The following BUD31 variants were observed in gnomAD, a reference collection of about 807,000 sequenced individuals.
BUD31 encodes the protein BUD31 spliceosome associated protein, also known as protein BUD31 homolog.
Under a neutral mutation model 17.9 loss-of-function variants are expected in BUD31, and 9 were observed. The ratio of observed to expected loss-of-function variants is 0.50; its 90% confidence interval spans 0.30 to 0.88. The LOEUF (loss-of-function observed/expected upper bound fraction) is 0.88, where lower values mean the gene tolerates loss of function less well. Ranked by LOEUF, BUD31 falls within the 40% of genes least tolerant of loss-of-function variation. BUD31 has a pLI of 0.06. For missense variants in BUD31, 148 were observed against 184.5 expected (o/e 0.80, Z 1.15); for synonymous variants, 70 against 64.7 (o/e 1.08, Z -0.39).
At position 99,419,458 on chromosome 7, in the gene BUD31, C is replaced by T; in HGVS notation, c.*17C>T. On this transcript the variant is annotated 3_prime_UTR_variant, in exon 6 of 6. Transcript: ENST00000222969. ...TCTGGCTGAGGCTGGCGCGCTCCAC[C>T]CTGGACTCTGGACTTCGCAGGTTCC... 6.2e-7 allele frequency: 1 copy of T among 1,609,998 alleles called. No homozygotes were observed.
intron 4 of BUD31, 129 bp downstream of exon 4, chr7:99,416,389 A>G: frequency 8.0e-7 from 1 of 1,243,184 alleles, no homozygotes; most frequent in Non-Finnish European, 1.1e-6. Flanking sequence ...AGGGGGAGCC[A>G]ACGTTGGCTG....
At chr7:99,417,775 G>A (rs1795587164) in intron 5 of BUD31, 180 bp downstream of exon 5, 2 of 1,530,942 alleles carry the variant, frequency 1.3e-6, no homozygotes, top group African/African-American at 2.7e-5. Context: ...GCAGCGTGTG[G>A]CTGTGTGTTT....
In BUD31 at chr7:99,412,793, T is replaced by G. The variant is rs547628455; in HGVS notation, c.94+1607T>G. Among the ~76,000 whole-genome samples, 620 of 150,690 alleles carry G rather than the reference T, an allele frequency of 4.1e-3. 2 individuals carry two copies. Among genetic ancestry groups the G allele is most frequent in the African/African-American group, 0.015 (593 of 40,684 alleles). Reference sequence around the variant, plus strand: ...TGCCCAGCTAATTTTTTTTTTTTTTTTGTATTTTTAGTAGAGACGGGGTTT... The same window carrying G: ...TGCCCAGCTAATTTTTTTTTTTTTTGTGTATTTTTAGTAGAGACGGGGTTT... On this transcript the variant is annotated intron_variant, in intron 3 of 5. Coordinates refer to ENST00000222969, the MANE Select transcript of BUD31 (RefSeq NM_003910.4).
intron 3 of BUD31, among the ~76,000 whole-genome samples, chr7:99,415,708 C>A (rs1795404104): frequency 1.3e-5 from 2 of 152,176 alleles, no homozygotes; most frequent in Admixed American, 6.5e-5. Context: ...TACCGCTAGA[C>A]CAAGGAGCCC....
rs371698545 is a variant in BUD31 at position 99,419,614 on chromosome 7, C to T, written c.*173C>T. On this transcript the variant is annotated 3_prime_UTR_variant, in exon 6 of 6. Coordinates refer to ENST00000222969, the MANE Select transcript of BUD31 (RefSeq NM_003910.4). ...GTAAAAATAAAATCTTTAAATCTCT[C>T]GAGCCCCACGTCTCTTCTTTCAGAG... 7.8e-5 allele frequency: 65 copies of T among 835,298 alleles called. No homozygotes were observed. The highest frequency in any genetic ancestry group is 1.1e-4 in the South Asian group (6 of 56,918). 51.7% of individuals were successfully genotyped at this position (835,298 alleles called of 1,614,324 possible). A position where few individuals can be genotyped will look rare whatever the true frequency, so the allele number is the denominator to read the frequency against.
At chr7:99,416,421 T>C (rs1000026358) in intron 4 of BUD31, 161 bp downstream of exon 4, 21 of 890,408 alleles carry the variant, frequency 2.4e-5, no homozygotes, top group African/African-American at 8.5e-5. Flanking sequence ...TGTGTTTGTT[T>C]TTTGTTTGTT....
chr7:99,413,737 A>G (rs967157925), intron 3 of BUD31, among the ~76,000 whole-genome samples: 2 of 152,018 alleles, frequency 1.3e-5, no homozygotes, highest in African/African-American at 4.8e-5. Context: ...GATTACAGGC[A>G]TGTGCCACCA....
At chr7:99,409,590 C>T (rs1253897587) in intron 1 of BUD31, among the ~76,000 whole-genome samples, 5 of 152,074 alleles carry the variant, frequency 3.3e-5, no homozygotes, top group Non-Finnish European at 5.9e-5. Flanking sequence ...CCAGAATTCA[C>T]CTATTTTTAG....
chr7:99,410,544 A>G (rs1035780508), intron 2 of BUD31, among the ~76,000 whole-genome samples: 1 of 151,708 alleles, frequency 6.6e-6, no homozygotes, highest in Non-Finnish European at 1.5e-5. Flanking sequence ...CTGACCTTCC[A>G]TCTTTGCCTT....
intron 3 of BUD31, among the ~76,000 whole-genome samples, chr7:99,415,699 A>G (rs1277199940): frequency 6.6e-6 from 1 of 152,174 alleles, no homozygotes; most frequent in Non-Finnish European, 1.5e-5. Flanking sequence ...TGCTGGCGTT[A>G]CCGCTAGACC....
chr7:99,417,525 GCATT>G lies in BUD31; in HGVS notation c.317_320del (p.Ile106ArgfsTer89). 6.2e-7 allele frequency: 1 copy of G among 1,611,874 alleles called. No individual in the cohort carries two copies. The highest frequency in any genetic ancestry group is 8.5e-7 in the Non-Finnish European group (1 of 1,178,396). ...TATGAGAACTTGTGCTGCCTGCGGT[GCATT>G]CAGACACGGGACACCAACTTCGGGA... is the stretch of plus-strand genomic sequence containing the variant. On this transcript the variant is annotated frameshift_variant, in exon 5 of 6. Coordinates refer to ENST00000222969, the MANE Select transcript of BUD31 (RefSeq NM_003910.4). LOFTEE classifies it high-confidence loss of function.
At chr7:99,418,545 CA>C (rs1370334825) in intron 5 of BUD31, 9 of 152,806 alleles carry the variant, frequency 5.9e-5, no homozygotes, top group African/African-American at 2.2e-4. Flanking sequence ...GTGAGACTGA[CA>C]ATGGAGAGCT....
intron 1 of BUD31, 24 bp from the exon 2 acceptor site, chr7:99,410,010 C>T (rs1795114707): frequency 6.6e-6 from 1 of 152,094 alleles, no homozygotes; most frequent in Non-Finnish European, 1.5e-5. Context: ...GGCAATCAGC[C>T]AATCCACTGC....
At chr7:99,416,371 C>T (rs538315979) in intron 4 of BUD31, 111 bp downstream of exon 4, 20 of 1,407,570 alleles carry the variant, frequency 1.4e-5, no homozygotes, top group Admixed American at 8.7e-5. Context: ...TTTCTTACCA[C>T]GAAAATTAGG....
chr7:99,418,156 G>A (rs1487485238), intron 5 of BUD31: 3 of 237,220 alleles, frequency 1.3e-5, no homozygotes, highest in Non-Finnish European at 2.2e-5. Context: ...TAGTAGAGAC[G>A]GGGTTTCTCA....
rs367920426 is a variant in BUD31 at position 99,414,152 on chromosome 7, T to A, written c.95-1986T>A. Among the ~76,000 whole-genome samples, 50 of 152,056 alleles carry A rather than the reference T, an allele frequency of 3.3e-4. No individual in the cohort carries two copies. The East Asian group carries it at 4.6e-3, about 14-fold the overall frequency. On this transcript the variant is annotated intron_variant, in intron 3 of 5. Coordinates refer to ENST00000222969, the MANE Select transcript of BUD31 (RefSeq NM_003910.4). ...GCTTATTTTTTATTTTTTTATTTTT[T>A]TTTTTGAGACGGAATCTCACACTGT... is the stretch of plus-strand genomic sequence containing the variant.
At chr7:99,416,401 GTTTTGTGTGTGTGTTTGTT>G in intron 4 of BUD31, 141 bp downstream of exon 4, 1 of 1,077,150 alleles carries the variant, frequency 9.3e-7, no homozygotes, top group Non-Finnish European at 1.3e-6. Flanking sequence ...CGTTGGCTGA[GTTTTGTGTGTGTGTTTGTT>G]TTTTGTTTGT....
At chr7:99,411,336 G>GT (rs1392822282) in intron 3 of BUD31, 150 bp downstream of exon 3, 2 of 592,194 alleles carry the variant, frequency 3.4e-6, no homozygotes, top group African/African-American at 1.9e-5. Context: ...GGGAAATACT[G>GT]TAAGTGCCCG....
At chr7:99,416,666 G>T (rs143610392) in intron 4 of BUD31, 1 of 155,578 alleles carries the variant, frequency 6.4e-6, no homozygotes, top group Admixed American at 6.2e-5. Context: ...TGATTCACCC[G>T]ACTCGGTCTC....
Sources: allele counts gnomAD v4.1 joint callset (sites outside exome capture counted in the v4.1 genomes callset), GRCh38; gene constraint gnomAD v4.1.1; transcripts MANE v1.5; gene names NCBI Gene and HGNC (gene_info 2026-07-23, HGNC 2026-07-21).